Variants in TRPC4 observed in about 807,000 individuals in gnomAD.
TRPC4 encodes transient receptor potential cation channel subfamily C member 4.
Under a neutral mutation model 99.4 loss-of-function variants are expected in TRPC4, and 49 were observed. That is an observed-to-expected ratio of 0.49 (90% CI 0.39 to 0.63). The LOEUF (loss-of-function observed/expected upper bound fraction) is 0.63. Among genes scored for constraint, TRPC4 ranks in the 20% least tolerant of loss-of-function variants. The pLI is 0.00. For synonymous variants in TRPC4, 454 were observed against 425.9 expected (o/e 1.07, Z -0.81); for missense variants, 898 against 1,152.9 (o/e 0.78, Z 3.20).
intron 5 of TRPC4, among the ~76,000 whole-genome samples, chr13:37,670,820 T>C (rs564796180): frequency 6.6e-6 from 1 of 152,242 alleles, no homozygotes; most frequent in East Asian, 1.9e-4. Context: ...TAGTGAACTC[T>C]GCTTGTTAAA....
chr13:37,854,724 T>G (rs1959141408), intron 1 of TRPC4: 1 of 152,122 alleles, frequency 6.6e-6, no homozygotes, highest in Admixed American at 6.6e-5. Context: ...AGCCTCATGG[T>G]AACTTCGAAT....
chr13:37,811,643 A>G (rs1957689345), intron 1 of TRPC4, among the ~76,000 whole-genome samples: 2 of 152,126 alleles, frequency 1.3e-5, no homozygotes, highest in Non-Finnish European at 2.9e-5. Flanking sequence ...TACCACATAC[A>G]TATAAGGAAT....
At chr13:37,677,685 G>A (rs951339664) in intron 4 of TRPC4, among the ~76,000 whole-genome samples, 1 of 151,992 alleles carries the variant, frequency 6.6e-6, no homozygotes, top group Non-Finnish European at 1.5e-5. Context: ...ACTGAAACAA[G>A]AAACAAAGAA....
intron 3 of TRPC4, among the ~76,000 whole-genome samples, chr13:37,735,809 C>T (rs910995020): frequency 3.3e-5 from 5 of 152,068 alleles, no homozygotes; most frequent in Non-Finnish European, 5.9e-5. Flanking sequence ...GAGTACACTT[C>T]CTTGAAAATA....
intron 8 of TRPC4, among the ~76,000 whole-genome samples, chr13:37,642,095 C>T (rs771539648): frequency 2.0e-5 from 3 of 152,112 alleles, no homozygotes; most frequent in Non-Finnish European, 4.4e-5. Flanking sequence ...TCGTTAGATG[C>T]CTTCAGCTTT....
At chr13:37,748,708 C>A (rs1955853183) in intron 2 of TRPC4, among the ~76,000 whole-genome samples, 2 of 151,458 alleles carry the variant, frequency 1.3e-5, no homozygotes, top group Admixed American at 1.3e-4. Flanking sequence ...TAAAATATAT[C>A]TTTGTAGAAT....
chr13:37,863,736 C>T (rs1959552670), intron 1 of TRPC4, among the ~76,000 whole-genome samples: 2 of 151,600 alleles, frequency 1.3e-5, no homozygotes, highest in Admixed American at 6.6e-5. Flanking sequence ...TATGCCTGTC[C>T]TCTCATCCCT....
intron 2 of TRPC4, among the ~76,000 whole-genome samples, chr13:37,770,588 T>C (rs1956522773): frequency 1.3e-5 from 2 of 151,582 alleles, no homozygotes; most frequent in African/African-American, 4.8e-5. Flanking sequence ...CTATACTTTC[T>C]TAAGGCTGGT....
chr13:37,801,184 G>A (rs633088), intron 1 of TRPC4, among the ~76,000 whole-genome samples: 9,886 of 152,092 alleles, frequency 0.065, 1,109 homozygotes, highest in African/African-American at 0.22. Flanking sequence ...TAACATAAAA[G>A]TTTTCTAAAA....
chr13:37,680,698 G>C (rs951862334), intron 4 of TRPC4, among the ~76,000 whole-genome samples: 2 of 152,106 alleles, frequency 1.3e-5, no homozygotes, highest in African/African-American at 4.8e-5. Flanking sequence ...AGAATATTCT[G>C]GCAATTAGAG....
chr13:37,708,947 C>T (rs1954379941), intron 3 of TRPC4, among the ~76,000 whole-genome samples: 1 of 151,762 alleles, frequency 6.6e-6, no homozygotes, highest in Non-Finnish European at 1.5e-5. Context: ...GACATACTTG[C>T]CTGAGATTTA....
At chr13:37,730,836 G>C (rs150131917) in intron 3 of TRPC4, among the ~76,000 whole-genome samples, 28 of 152,116 alleles carry the variant, frequency 1.8e-4, no homozygotes, top group African/African-American at 5.3e-4. Context: ...GTCGAAAATT[G>C]ATCAGAATAA....
chr13:37,661,974 C>T (rs2025407), intron 6 of TRPC4, among the ~76,000 whole-genome samples: 55,210 of 151,862 alleles, frequency 0.36, 10,422 homozygotes, highest in African/African-American at 0.41. Context: ...CTGAGTGAAC[C>T]GGTCAGGCCA....
At chr13:37,769,552 G>T (rs1226324716) in intron 2 of TRPC4, among the ~76,000 whole-genome samples, 1 of 151,396 alleles carries the variant, frequency 6.6e-6, no homozygotes, top group African/African-American at 2.4e-5. Flanking sequence ...TTTAGATTAT[G>T]TTTATTCAAA....
chr13:37,795,859 T>C (rs1458609147), intron 1 of TRPC4, among the ~76,000 whole-genome samples: 2 of 152,194 alleles, frequency 1.3e-5, no homozygotes, highest in Non-Finnish European at 2.9e-5. Context: ...ATGAAAGCAC[T>C]ATTCAAAGTC....
At chr13:37,854,403 G>C (rs1247375336) in intron 1 of TRPC4, among the ~76,000 whole-genome samples, 1 of 152,052 alleles carries the variant, frequency 6.6e-6, no homozygotes, top group East Asian at 1.9e-4. Flanking sequence ...ATCAATACCA[G>C]ACCTGTTCTA....
chr13:37,656,865 G>A (rs2138650368), intron 6 of TRPC4, among the ~76,000 whole-genome samples: 2 of 152,318 alleles, frequency 1.3e-5, no homozygotes, highest in East Asian at 1.9e-4. Flanking sequence ...CCATGGCCCA[G>A]CACTACGTCA....
intron 2 of TRPC4, among the ~76,000 whole-genome samples, chr13:37,755,159 G>C (rs1460935880): frequency 2.0e-5 from 3 of 151,536 alleles, no homozygotes; most frequent in Admixed American, 2.0e-4. Flanking sequence ...ATTAAATTCA[G>C]TTTTTATAAA....
intron 1 of TRPC4, among the ~76,000 whole-genome samples, chr13:37,839,809 C>G (rs1004017548): frequency 6.6e-6 from 1 of 152,050 alleles, no homozygotes; most frequent in African/African-American, 2.4e-5. Flanking sequence ...TGGCTTCAGA[C>G]AAGTCAAATG....
Sources: gnomAD v4.1 joint callset for allele counts (sites outside exome capture counted in the v4.1 genomes callset) on GRCh38, gnomAD v4.1.1 for gene constraint, MANE v1.5 for transcripts, NCBI Gene and HGNC (gene_info 2026-07-23, HGNC 2026-07-21) for gene names.